Variants in DCLK2 observed in about 807,000 individuals in gnomAD.
The protein encoded by DCLK2 is serine/threonine-protein kinase DCLK2.
DCLK2 carries 31 observed loss-of-function variants against 78.4 expected under a neutral mutation model. The ratio of observed to expected loss-of-function variants is 0.40; its 90% CI spans 0.30 to 0.53. DCLK2 has a LOEUF of 0.53. DCLK2 is among the 20% of genes least tolerant of loss of function. The probability of loss-of-function intolerance (pLI) is 0.61; values close to 1 mark genes in which losing one functional copy is unlikely to be tolerated. For missense variants in DCLK2, 872 were observed against 973.7 expected (o/e 0.90, Z 1.39); for synonymous variants, 407 against 374.9 (o/e 1.09, Z -0.99).
intron 6 of DCLK2, 52 bp downstream of exon 6, chr4:150,220,830 T>C: frequency 1.4e-6 from 2 of 1,408,804 alleles, no homozygotes; most frequent in Non-Finnish European, 2.0e-6. Flanking sequence ...GCATGGGGAC[T>C]TGGTGCTCAC....
chr4:150,106,483 T>A (rs1386446933), intron 2 of DCLK2, among the ~76,000 whole-genome samples: 2 of 152,240 alleles, frequency 1.3e-5, no homozygotes, highest in Non-Finnish European at 2.9e-5. Flanking sequence ...AGAAAGGAAC[T>A]AAGATCCGTT....
intron 2 of DCLK2, among the ~76,000 whole-genome samples, chr4:150,105,945 A>G (rs1731219680): frequency 6.6e-6 from 1 of 152,070 alleles, no homozygotes; most frequent in Non-Finnish European, 1.5e-5. Context: ...CTGTTCTGAT[A>G]TCCACTACTA....
chr4:150,113,271 G>A (rs1731832380), intron 2 of DCLK2, among the ~76,000 whole-genome samples: 1 of 152,170 alleles, frequency 6.6e-6, no homozygotes, highest in African/African-American at 2.4e-5. Flanking sequence ...ATGAGTTAGG[G>A]TGGATTCCCT....
At chr4:150,144,884 C>A (rs1435443794) in intron 2 of DCLK2, among the ~76,000 whole-genome samples, 2 of 152,156 alleles carry the variant, frequency 1.3e-5, no homozygotes, top group African/African-American at 4.8e-5. Flanking sequence ...CAATGCCTAG[C>A]GTGTTTTCTC....
At chr4:150,104,321 C>T (rs1266434942) in intron 2 of DCLK2, among the ~76,000 whole-genome samples, 2 of 133,286 alleles carry the variant, frequency 1.5e-5, no homozygotes, top group East Asian at 2.4e-4. Flanking sequence ...CCAGGAGTTT[C>T]GGGCTGCAGT....
intron 2 of DCLK2, among the ~76,000 whole-genome samples, chr4:150,164,770 G>T (rs1735946597): frequency 1.3e-5 from 2 of 152,120 alleles, no homozygotes; most frequent in African/African-American, 4.8e-5. Context: ...CTGCACTCCA[G>T]CCTGGGCAAC....
chr4:150,116,883 A>G (rs575035204), intron 2 of DCLK2, among the ~76,000 whole-genome samples: 1 of 151,976 alleles, frequency 6.6e-6, no homozygotes, highest in African/African-American at 2.4e-5. Flanking sequence ...TGTATTGGCT[A>G]TGTTGGTTGA....
At chr4:150,111,718 AC>A (rs1731708116) in intron 2 of DCLK2, among the ~76,000 whole-genome samples, 1 of 152,152 alleles carries the variant, frequency 6.6e-6, no homozygotes, top group Admixed American at 6.5e-5. Context: ...TCTTCCCAGC[AC>A]CACTTACTGA....
chr4:150,249,454 A>AT, intron 14 of DCLK2, 114 bp from the exon 15 acceptor site: 1 of 797,076 alleles, frequency 1.3e-6, no homozygotes, highest in South Asian at 1.5e-5. Context: ...AGAGGGGCCC[A>AT]TTTAGGAAGA....
Position 150,247,606 on chromosome 4 carries a change from G to A in DCLK2, c.1782G>A (p.Glu594=), listed in dbSNP as rs778788213. 6.2e-7 allele frequency: 1 copy of A among 1,613,804 alleles called. No individual in the cohort carries two copies. Among genetic ancestry groups the A allele is most frequent in the Non-Finnish European group, 8.5e-7 (1 of 1,179,884 alleles). Residue 594 remains glutamate, a synonymous_variant, in exon 13 of 16, where the codon GAG becomes GAA. Coordinates refer to ENST00000296550, the MANE Select transcript of DCLK2 (RefSeq NM_001040260.4). The part of the protein sequence containing the change: ...LLCGFPPFRS[E]NNLQEDLFDQ... ...CATTTCTTTGTCACTGGCTTAGTGA[G>A]AACAATCTCCAGGAAGATCTCTTCG...
At chr4:150,249,519 A>C (rs367670136) in intron 14 of DCLK2, 49 bp from the exon 15 acceptor site, 2 of 1,547,510 alleles carry the variant, frequency 1.3e-6, no homozygotes, top group African/African-American at 2.7e-5. Context: ...AGACAACTCA[A>C]ACGGGAGGAT....
At chr4:150,252,893 G>A (rs1744279508) in intron 15 of DCLK2, among the ~76,000 whole-genome samples, 1 of 152,128 alleles carries the variant, frequency 6.6e-6, no homozygotes, top group Admixed American at 6.5e-5. Flanking sequence ...AGTACCTACA[G>A]GGAAATTCAA....
chr4:150,178,165 C>A (rs1217406239), intron 2 of DCLK2, among the ~76,000 whole-genome samples: 1 of 152,280 alleles, frequency 6.6e-6, no homozygotes, highest in Admixed American at 6.5e-5. Flanking sequence ...ACAGTCATAA[C>A]CTTTCTATGG....
chr4:150,229,282 C>T (rs2126560154), intron 8 of DCLK2, among the ~76,000 whole-genome samples: 1 of 152,202 alleles, frequency 6.6e-6, no homozygotes, highest in South Asian at 2.1e-4. Flanking sequence ...GAGCTGGGAT[C>T]ACACCACTGC....
chr4:150,181,875 A>G (rs1261970338), intron 2 of DCLK2, among the ~76,000 whole-genome samples: 1 of 152,104 alleles, frequency 6.6e-6, no homozygotes, highest in Non-Finnish European at 1.5e-5. Context: ...AAAGAGGGCT[A>G]TTTATGCTCA....
intron 2 of DCLK2, among the ~76,000 whole-genome samples, chr4:150,110,863 A>G (rs999411790): frequency 7.9e-5 from 12 of 152,076 alleles, no homozygotes; most frequent in Non-Finnish European, 1.5e-4. Context: ...TATATACCAC[A>G]TTTTCTTTAT....
chr4:150,172,739 A>C (rs1736636255), intron 2 of DCLK2, among the ~76,000 whole-genome samples: 1 of 133,688 alleles, frequency 7.5e-6, no homozygotes, highest in Non-Finnish European at 1.6e-5. Context: ...TCCTCACTCT[A>C]GAGAGTGTTC....
chr4:150,218,649 G>T (rs1740933569), intron 5 of DCLK2, among the ~76,000 whole-genome samples: 1 of 152,204 alleles, frequency 6.6e-6, no homozygotes, highest in Non-Finnish European at 1.5e-5. Context: ...TGAGGCCTAA[G>T]TGCTGGGAGA....
intron 2 of DCLK2, among the ~76,000 whole-genome samples, chr4:150,148,211 A>G (rs1353371438): frequency 1.3e-5 from 2 of 152,080 alleles, no homozygotes; most frequent in Non-Finnish European, 2.9e-5. Context: ...TAAAAATACA[A>G]AAATTAGCTG....
Sources: gnomAD v4.1 joint callset for allele counts (sites outside exome capture counted in the v4.1 genomes callset) on GRCh38, gnomAD v4.1.1 for gene constraint, MANE v1.5 for transcripts, NCBI Gene and HGNC (gene_info 2026-07-23, HGNC 2026-07-21) for gene names.